Variants in TPP2 observed in about 807,000 individuals in gnomAD.
The protein encoded by TPP2 is tripeptidyl peptidase 2.
Under a neutral mutation model 155.9 loss-of-function variants are expected in TPP2, and 34 were observed. The observed-to-expected ratio is 0.22, with a 90% CI of 0.17 to 0.29. The LOEUF is 0.29. Among genes scored for constraint, TPP2 ranks in the 10% least tolerant of loss-of-function variants. The pLI is 1.00. For missense variants in TPP2, 1,028 were observed against 1,522.3 expected (o/e 0.68, Z 5.40); for synonymous variants, 510 against 529.4 (o/e 0.96, Z 0.50).
At position 102,643,391 on chromosome 13, in the gene TPP2, A is replaced by G; in HGVS notation, c.2175+15A>G. 6.3e-7 allele frequency: 1 copy of G among 1,588,852 alleles called. No individual in the cohort carries two copies. The highest frequency in any genetic ancestry group is 8.5e-7 in the Non-Finnish European group (1 of 1,171,262). On this transcript the variant is annotated intron_variant, in intron 17 of 29. Transcript: ENST00000376052. ...TTCCTGTCCTAGTAAGTTTAATTAT[A>G]GTTTATAATCCTAACACAATTTATT...
intron 9 of TPP2, 129 bp downstream of exon 9, chr13:102,629,738 T>A: frequency 3.1e-6 from 4 of 1,282,708 alleles, no homozygotes; most frequent in Non-Finnish European, 4.1e-6. Context: ...CTCAGGAAAC[T>A]TATAGTCTGG....
intron 26 of TPP2, among the ~76,000 whole-genome samples, chr13:102,664,216 A>G (rs949768629): frequency 7.9e-5 from 12 of 152,224 alleles, no homozygotes; most frequent in African/African-American, 2.9e-4. Context: ...AAAATCATCA[A>G]GGGTTTAGAG....
At position 102,678,687 on chromosome 13, in the gene TPP2, G is replaced by A. The variant is rs1211661522; in HGVS notation, c.*371G>A. The stretch of plus-strand genomic sequence containing the variant: ...TTATAAATGAACAGGGTTTTAACGT[G>A]CTCAACTTTAATTTTTTTCAATTGT... On this transcript the variant is annotated 3_prime_UTR_variant, in exon 30 of 30. Coordinates refer to ENST00000376052, the MANE Select transcript of TPP2 (RefSeq NM_001330588.2). 1 of 155,502 alleles carries A rather than the reference G, an allele frequency of 6.4e-6. No individual in the cohort carries two copies. Among genetic ancestry groups the A allele is most frequent in the East Asian group, 1.9e-4 (1 of 5,390 alleles). The allele number at this position is 155,502 out of a possible 1,614,324, so 9.6% of individuals were successfully genotyped here.
chr13:102,678,352 G>A lies in TPP2; in HGVS notation c.*36G>A. On this transcript the variant is annotated 3_prime_UTR_variant, in exon 30 of 30. Coordinates refer to ENST00000376052, the MANE Select transcript of TPP2 (RefSeq NM_001330588.2). Reference sequence around the variant, plus strand: ...AAGACTTTAAATTTTAAAAAAGGAAGTTTTATAGTGAATGGGTATAAAAAC... The same window carrying A: ...AAGACTTTAAATTTTAAAAAAGGAAATTTTATAGTGAATGGGTATAAAAAC... 1 of 1,588,742 alleles carries A rather than the reference G, an allele frequency of 6.3e-7. No homozygotes were observed. Among genetic ancestry groups the A allele is most frequent in the Non-Finnish European group, 8.6e-7 (1 of 1,168,116 alleles).
At chr13:102,629,961 T>C (rs1416832799) in intron 9 of TPP2, 135 bp from the exon 10 acceptor site, 3 of 708,752 alleles carry the variant, frequency 4.2e-6, no homozygotes, top group Non-Finnish European at 6.7e-6. Context: ...TGTTTCCTTA[T>C]TAAATTTTAT....
At position 102,676,301 on chromosome 13, in the gene TPP2, G is replaced by T; in HGVS notation, c.3585G>T (p.Leu1195Phe). 2.5e-6 allele frequency: 4 copies of T among 1,596,462 alleles called. No homozygotes were observed. The South Asian group carries it at 4.5e-5, about 18-fold the overall frequency. The change falls in exon 29 of 30, where the codon TTG becomes TTT. Residue 1195 changes from leucine to phenylalanine, a missense_variant. Coordinates refer to ENST00000376052, the MANE Select transcript of TPP2 (RefSeq NM_001330588.2). ...KWTDLFDNKV[L>F]TFAYKHALVN... ...TATCATGTTTTACATTGTAGGTTTT[G>T]ACATTTGCATATAAACATGCATTAG...
chr13:102,635,266 C>T (rs2139503301), intron 11 of TPP2, among the ~76,000 whole-genome samples: 1 of 152,264 alleles, frequency 6.6e-6, no homozygotes, highest in Middle Eastern at 3.4e-3. Context: ...TTGTTTAACC[C>T]AGCAGTGTTT....
At chr13:102,635,271 G>A (rs1882291361) in intron 11 of TPP2, among the ~76,000 whole-genome samples, 1 of 152,198 alleles carries the variant, frequency 6.6e-6, no homozygotes, top group South Asian at 2.1e-4. Flanking sequence ...TAACCCAGCA[G>A]TGTTTGAAAG....
intron 11 of TPP2, among the ~76,000 whole-genome samples, chr13:102,634,857 C>G (rs1882265568): frequency 6.6e-6 from 1 of 152,220 alleles, no homozygotes; most frequent in African/African-American, 2.4e-5. Flanking sequence ...TGGCCTCCAT[C>G]TTTGGGTGTA....
rs905912521 is a variant in TPP2, at chr13:102,644,619, T to C, written c.2238T>C (p.Ile746=). 6.2e-7 allele frequency: 1 copy of C among 1,613,190 alleles called. No homozygotes were observed. The highest frequency in any genetic ancestry group is 8.5e-7 in the Non-Finnish European group (1 of 1,179,630). The change falls in exon 18 of 30, where the codon ATT becomes ATC. Residue 746 remains isoleucine, a synonymous_variant. Coordinates refer to ENST00000376052, the MANE Select transcript of TPP2 (RefSeq NM_001330588.2). ...GGGCAAGTCTCAGTGATGTCAACAT[T>C]GATTATACCATTTCTTTCCATGGGA... The part of the protein sequence containing the change: ...RWWASLSDVN[I]DYTISFHGIV...
intron 1 of TPP2, among the ~76,000 whole-genome samples, chr13:102,601,950 CAAAT>C (rs923731863): frequency 5.3e-5 from 8 of 152,138 alleles, no homozygotes; most frequent in Non-Finnish European, 8.8e-5. Flanking sequence ...AAATAGGTGA[CAAAT>C]AAGCCATTAA....
intron 4 of TPP2, among the ~76,000 whole-genome samples, chr13:102,618,058 C>A (rs539440630): frequency 6.6e-6 from 1 of 152,128 alleles, no homozygotes; most frequent in African/African-American, 2.4e-5. Context: ...TATTTGAGTA[C>A]CTAACTTATT....
At chr13:102,607,535 C>T (rs1164724274) in intron 2 of TPP2, 1 of 230,796 alleles carries the variant, frequency 4.3e-6, no homozygotes, top group Non-Finnish European at 9.4e-6. Flanking sequence ...AGAGAGAATT[C>T]CTAGTAAGTC....
chr13:102,651,556 G>T (rs1427316986), intron 24 of TPP2, among the ~76,000 whole-genome samples, 159 bp downstream of exon 24: 1 of 146,478 alleles, frequency 6.8e-6, no homozygotes, highest in Non-Finnish European at 1.5e-5. Context: ...TAGAAGCATT[G>T]TTGACATACT....
intron 26 of TPP2, among the ~76,000 whole-genome samples, chr13:102,664,359 A>G (rs1421309001): frequency 6.6e-6 from 1 of 152,166 alleles, no homozygotes; most frequent in Non-Finnish European, 1.5e-5. Flanking sequence ...GTTTTTCATG[A>G]TGGATCAGAA....
At chr13:102,652,169 G>A (rs557008365) in intron 24 of TPP2, among the ~76,000 whole-genome samples, 2 of 152,060 alleles carry the variant, frequency 1.3e-5, no homozygotes, top group African/African-American at 4.8e-5. Context: ...TGAGCTCAGC[G>A]GTTTGAAACC....
intron 2 of TPP2, among the ~76,000 whole-genome samples, chr13:102,609,266 T>C (rs992897579): frequency 1.3e-5 from 2 of 150,078 alleles, no homozygotes; most frequent in African/African-American, 4.9e-5. Flanking sequence ...CCTACAGGCT[T>C]AACAGGAAGC....
At chr13:102,649,259 T>C (rs1883341485) in intron 22 of TPP2, 108 bp downstream of exon 22, 43 of 1,452,368 alleles carry the variant, frequency 3.0e-5, no homozygotes, top group Non-Finnish European at 3.9e-5. Flanking sequence ...TCATTTTTTT[T>C]TTGGCTGAAG....
chr13:102,674,179 T>G (rs566866856), intron 27 of TPP2, 104 bp from the exon 28 acceptor site: 1 of 1,218,324 alleles, frequency 8.2e-7, no homozygotes, highest in East Asian at 2.6e-5. Context: ...TATTTCTGCA[T>G]TATAAATCTT....
Sources: allele counts gnomAD v4.1 joint callset (sites outside exome capture counted in the v4.1 genomes callset), GRCh38; gene constraint gnomAD v4.1.1; transcripts MANE v1.5; gene names NCBI Gene and HGNC (gene_info 2026-07-23, HGNC 2026-07-21).